PCDH9: variants seen among roughly 807,000 people sequenced by gnomAD.
PCDH9 encodes the protein protocadherin 9, also known as protocadherin-9.
In PCDH9, 24 loss-of-function variants were observed where a neutral mutation model predicts 70.6. That is an observed-to-expected ratio of 0.34 (90% CI 0.25 to 0.48). The LOEUF (loss-of-function observed/expected upper bound fraction) is 0.48. Among genes scored for constraint, PCDH9 ranks in the 20% least tolerant of loss-of-function variants. The pLI, the probability that PCDH9 is intolerant of heterozygous loss-of-function variation, is 0.99. For synonymous variants in PCDH9, 562 were observed against 558.5 expected, an observed-to-expected ratio of 1.01 and a Z score of -0.09; for missense variants, 1,281 against 1,503.6, an observed-to-expected ratio of 0.85 and a Z score of 2.45.
chr13:66,335,894 T>C (rs1956029813), intron 4 of PCDH9, among the ~76,000 whole-genome samples: 1 of 152,122 alleles, frequency 6.6e-6, no homozygotes, highest in Non-Finnish European at 1.5e-5. Context: ...GCCCGTATTG[T>C]CAATGTCAAG....
At chr13:67,072,635 T>C (rs2085789786) in intron 2 of PCDH9, among the ~76,000 whole-genome samples, 1 of 152,086 alleles carries the variant, frequency 6.6e-6, no homozygotes, top group South Asian at 2.1e-4. Flanking sequence ...TTAATCTATA[T>C]GAAGATATTC....
At chr13:66,722,092 G>A (rs891752621) in intron 3 of PCDH9, among the ~76,000 whole-genome samples, 2 of 152,152 alleles carry the variant, frequency 1.3e-5, no homozygotes, top group African/African-American at 4.8e-5. Context: ...ATCTTCTGCA[G>A]TACTTAGAGT....
chr13:66,356,332 T>C (rs1956381968), intron 4 of PCDH9, among the ~76,000 whole-genome samples: 1 of 152,116 alleles, frequency 6.6e-6, no homozygotes, highest in African/African-American at 2.4e-5. Context: ...ACCCACTCTC[T>C]AAATAAATCT....
intron 4 of PCDH9, among the ~76,000 whole-genome samples, chr13:66,630,242 A>G (rs1314247385): frequency 3.3e-5 from 5 of 152,158 alleles, no homozygotes; most frequent in Non-Finnish European, 5.9e-5. Context: ...GGATCACAGC[A>G]AAATTGAGAT....
intron 2 of PCDH9, among the ~76,000 whole-genome samples, chr13:67,042,301 T>C (rs1416996582): frequency 6.6e-6 from 1 of 152,082 alleles, no homozygotes; most frequent in Non-Finnish European, 1.5e-5. Context: ...CTACTCACAG[T>C]GCAACATGGC....
At chr13:66,588,283 A>C (rs1165995447) in intron 4 of PCDH9, among the ~76,000 whole-genome samples, 1 of 151,834 alleles carries the variant, frequency 6.6e-6, no homozygotes, top group African/African-American at 2.4e-5. Flanking sequence ...TTTTCCATTT[A>C]CCTTACCTCA....
At chr13:66,993,178 T>C (rs897804464) in intron 2 of PCDH9, among the ~76,000 whole-genome samples, 3 of 152,190 alleles carry the variant, frequency 2.0e-5, no homozygotes, top group Non-Finnish European at 4.4e-5. Flanking sequence ...TACTTAGTTT[T>C]TATGTCATGG....
At chr13:67,177,679 C>A (rs1163458758) in intron 2 of PCDH9, among the ~76,000 whole-genome samples, 1 of 152,062 alleles carries the variant, frequency 6.6e-6, no homozygotes, top group Non-Finnish European at 1.5e-5. Flanking sequence ...CCTCTCATAA[C>A]CTCTTGCAGG....
chr13:66,932,002 T>TA (rs2082819279), intron 2 of PCDH9, among the ~76,000 whole-genome samples: 1 of 152,090 alleles, frequency 6.6e-6, no homozygotes, highest in Non-Finnish European at 1.5e-5. Flanking sequence ...ATAAAACAGT[T>TA]ATATTATTAT....
At chr13:66,315,739 C>G (rs1258644839) in intron 4 of PCDH9, among the ~76,000 whole-genome samples, 1 of 152,164 alleles carries the variant, frequency 6.6e-6, no homozygotes, top group Non-Finnish European at 1.5e-5. Context: ...CCTTGGCCTC[C>G]CAAAGTACTG....
chr13:66,964,782 T>C (rs1007899507), intron 2 of PCDH9, among the ~76,000 whole-genome samples: 19 of 152,100 alleles, frequency 1.2e-4, no homozygotes, highest in Non-Finnish European at 2.5e-4. Context: ...ATAAATACTC[T>C]TTTAAAGTGA....
intron 2 of PCDH9, among the ~76,000 whole-genome samples, chr13:67,108,606 C>T (rs2086594329): frequency 6.6e-6 from 1 of 152,046 alleles, no homozygotes; most frequent in East Asian, 1.9e-4. Context: ...ATAGCCTGAT[C>T]CAAACACTTA....
At chr13:66,387,478 C>G (rs1277867993) in intron 4 of PCDH9, among the ~76,000 whole-genome samples, 1 of 150,626 alleles carries the variant, frequency 6.6e-6, no homozygotes, top group Non-Finnish European at 1.5e-5. Flanking sequence ...CCCCCATGAA[C>G]GGCTTGGTGC....
intron 3 of PCDH9, among the ~76,000 whole-genome samples, chr13:66,652,297 T>C (rs879838550): frequency 5.3e-5 from 8 of 151,982 alleles, no homozygotes; most frequent in Non-Finnish European, 1.0e-4. Context: ...GGATACAAAA[T>C]TAATATATAG....
chr13:67,113,293 CA>C (rs909613552), intron 2 of PCDH9, among the ~76,000 whole-genome samples: 2 of 152,042 alleles, frequency 1.3e-5, no homozygotes, highest in African/African-American at 2.4e-5. Flanking sequence ...ACAAAACCCA[CA>C]AAAAATATTT....
intron 4 of PCDH9, among the ~76,000 whole-genome samples, chr13:66,536,318 G>A (rs748486608): frequency 6.6e-6 from 1 of 152,006 alleles, no homozygotes; most frequent in African/African-American, 2.4e-5. Flanking sequence ...ATACCATGCA[G>A]GTGTGAATGT....
At chr13:66,385,454 C>T (rs929427482) in intron 4 of PCDH9, among the ~76,000 whole-genome samples, 1 of 152,082 alleles carries the variant, frequency 6.6e-6, no homozygotes, top group Non-Finnish European at 1.5e-5. Context: ...CCCTATCCTC[C>T]CCAAATAACA....
intron 2 of PCDH9, chr13:67,222,750 A>C (rs1257324149): frequency 1.3e-5 from 2 of 152,136 alleles, no homozygotes; most frequent in Non-Finnish European, 2.9e-5. Context: ...ACTCTTTCAA[A>C]ATTGTGTAGC....
At chr13:67,214,354 G>T (rs1027524554) in intron 2 of PCDH9, 2 of 152,162 alleles carry the variant, frequency 1.3e-5, no homozygotes, top group African/African-American at 4.8e-5. Flanking sequence ...ATGCTTTCCA[G>T]TCTATGGAAT....
Sources: allele counts gnomAD v4.1 joint callset (sites outside exome capture counted in the v4.1 genomes callset), GRCh38; gene constraint gnomAD v4.1.1; transcripts MANE v1.5; gene names NCBI Gene and HGNC (gene_info 2026-07-23, HGNC 2026-07-21).